Variants in LRRN4 observed in about 807,000 individuals in gnomAD.
LRRN4 encodes the protein leucine rich repeat neuronal 4.
A neutral mutation model predicts 22.3 loss-of-function variants in LRRN4; 26 were observed. The observed-to-expected ratio is 1.16, with a 90% CI of 0.85 to 1.62. LRRN4 has a LOEUF of 1.62. LRRN4 is among the 40% of genes most tolerant of loss of function. The pLI is 0.00. For missense variants in LRRN4, 1,070 were observed against 1,008.5 expected, an observed-to-expected ratio of 1.06 and a Z score of -0.83; for synonymous variants, 496 against 486.2, an observed-to-expected ratio of 1.02 and a Z score of -0.26.
intron 4 of LRRN4, among the ~76,000 whole-genome samples, chr20:6,043,820 G>T (rs1981034832): frequency 6.6e-6 from 1 of 151,882 alleles, no homozygotes; most frequent in Non-Finnish European, 1.5e-5. Context: ...TGAGTAGGAT[G>T]ATCGCTGAGC....
In LRRN4 at chr20:6,045,725, G is replaced by C. The variant is rs538619169; in HGVS notation, c.861-1045C>G. On this transcript the variant is annotated intron_variant, in intron 3 of 4. Coordinates refer to ENST00000378858, the MANE Select transcript of LRRN4 (RefSeq NM_152611.5). Reference sequence around the variant, plus strand: ...TTGCATGATTCTGTGGGTTGGCTCAGTGGTTCTTGTGGTCTGGATTAGCTC... The same window carrying C: ...TTGCATGATTCTGTGGGTTGGCTCACTGGTTCTTGTGGTCTGGATTAGCTC... Among the ~76,000 whole-genome samples, 24 of 149,076 alleles carry C rather than the reference G, an allele frequency of 1.6e-4. No individual in the cohort carries two copies. The South Asian group carries it at 5.1e-3, about 32-fold the overall frequency.
Position 6,042,107 on chromosome 20 carries a change from G to T in LRRN4, c.1138C>A (p.Arg380Ser), listed in dbSNP as rs142910883. Residue 380 changes from arginine (R) to serine (S), a missense_variant, in exon 5 of 5, where the codon CGC becomes AGC. Coordinates refer to ENST00000378858, the MANE Select transcript of LRRN4 (RefSeq NM_152611.5). ...LGASHPPCFN[R>S]STYAQGTTVA... ...GTGGTACCCTGTGCGTAGGTGGAGC[G>T]GTTGAAGCAAGGTGGGTGTGAAGCC... 1.9e-6 allele frequency: 3 copies of T among 1,614,046 alleles called. No individual in the cohort carries two copies. Among genetic ancestry groups the T allele is most frequent in the Non-Finnish European group, 2.5e-6 (3 of 1,180,014 alleles).
Position 6,042,213 on chromosome 20 carries a change from TC to T in LRRN4, c.1031del (p.Gly344AspfsTer74). 1 of 1,613,448 alleles carries T rather than the reference TC, an allele frequency of 6.2e-7. No homozygotes were observed. ...GGGAGGCTGAGAAGGGGCCGCTGGA[TC>T]CCGCAGCTGGCGCGCACATAGTGTC... Reference protein sequence around the residue: ...AADTMCAPAAGSSGPFSASLS... With the variant: ...AADTMCAPAAXSSGPFSASLS... On this transcript the variant is annotated frameshift_variant, in exon 5 of 5. Coordinates refer to ENST00000378858, the MANE Select transcript of LRRN4 (RefSeq NM_152611.5). LOFTEE classifies it low-confidence loss of function (END_TRUNC).
In LRRN4 at chr20:6,052,449, G is replaced by T; in HGVS notation, c.351C>A (p.Gly117=). 1.9e-6 allele frequency: 3 copies of T among 1,553,712 alleles called. No homozygotes were observed. The highest frequency in any genetic ancestry group is 2.6e-6 in the Non-Finnish European group (3 of 1,158,766). Residue 117 remains glycine (G), a synonymous_variant, in exon 2 of 5, where the codon GGC becomes GGA. Transcript: ENST00000378858. The part of the protein sequence containing the change: ...RHNRIAALRW[G]PGGPAGLHTL... Reference sequence around the variant, plus strand: ...TGTGCAGCCCCGCCGGCCCACCCGGGCCCCAGCGCAGCGCGGCGATGCGGT... The same window carrying T: ...TGTGCAGCCCCGCCGGCCCACCCGGTCCCCAGCGCAGCGCGGCGATGCGGT...
At chr20:6,044,815 G>T in intron 3 of LRRN4, 135 bp from the exon 4 acceptor site, 1 of 720,248 alleles carries the variant, frequency 1.4e-6, no homozygotes, top group Non-Finnish European at 2.0e-6. Context: ...ATACCGCTTT[G>T]GGCAAAACTC....
intron 4 of LRRN4, among the ~76,000 whole-genome samples, chr20:6,043,040 A>G (rs1203525644): frequency 6.6e-6 from 1 of 152,098 alleles, no homozygotes; most frequent in African/African-American, 2.4e-5. Context: ...TTTGCAGTAG[A>G]CTCTATTACC....
At chr20:6,052,854 CAAAG>C in intron 1 of LRRN4, 50 bp from the exon 2 acceptor site, 1 of 1,492,784 alleles carries the variant, frequency 6.7e-7, no homozygotes, top group South Asian at 1.3e-5. Flanking sequence ...AACCCCCGCA[CAAAG>C]AGTCAGATGC....
intron 1 of LRRN4, among the ~76,000 whole-genome samples, 197 bp downstream of exon 1, chr20:6,053,633 G>A (rs1255082344): frequency 6.6e-6 from 1 of 152,056 alleles, no homozygotes; most frequent in Admixed American, 6.5e-5. Context: ...CTGGCCATGA[G>A]GTCACTGCTC....
intron 3 of LRRN4, among the ~76,000 whole-genome samples, chr20:6,046,350 A>G (rs2123054333): frequency 6.7e-6 from 1 of 148,456 alleles, no homozygotes; most frequent in African/African-American, 2.4e-5. Flanking sequence ...AGCTGCAGTC[A>G]TGTTGCAAAG....
At chr20:6,043,876 CCAGCCTGCG>C (rs1462571327) in intron 4 of LRRN4, among the ~76,000 whole-genome samples, 1 of 152,096 alleles carries the variant, frequency 6.6e-6, no homozygotes, top group Non-Finnish European at 1.5e-5. Context: ...CCACTGCACT[CCAGCCTGCG>C]CAACAGAGCA....
chr20:6,050,932 C>T lies in LRRN4; in HGVS notation c.707G>A (p.Arg236Lys). Residue 236 changes from arginine (R) to lysine (K), a missense_variant, in exon 3 of 5, where the codon AGG becomes AAG. Coordinates refer to ENST00000378858, the MANE Select transcript of LRRN4 (RefSeq NM_152611.5). ...DLPKLTSLYL[R>K]KMPRLTTLEG... is the part of the protein sequence containing the mutation. The stretch of plus-strand genomic sequence containing the variant: ...CAGGGTCGTCAGCCGAGGCATCTTC[C>T]TCAGGTAGAGGGATGTGAGCTTCGG... 1 of 1,614,152 alleles carries T rather than the reference C, an allele frequency of 6.2e-7. No individual in the cohort carries two copies. The highest frequency in any genetic ancestry group is 8.5e-7 in the Non-Finnish European group (1 of 1,180,026).
In LRRN4 at chr20:6,052,267, G is replaced by A. The variant is rs1178426779; in HGVS notation, c.533C>T (p.Ser178Phe). ...CFPALQLLNL[S>F]CTALGRGAQG... is the part of the protein sequence containing the mutation. ...GGCTCCGCGACCCAGCGCGGTGCAG[G>A]AGAGGTTGAGGAGCTGCAGCGCGGG... The change falls in exon 2 of 5, where the codon TCC becomes TTC. Residue 178 changes from serine to phenylalanine, a missense_variant. Coordinates refer to ENST00000378858, the MANE Select transcript of LRRN4 (RefSeq NM_152611.5). The A allele has an allele frequency of 6.4e-7, 1 of 1,551,290 alleles. No homozygotes were observed.
chr20:6,053,610 C>T (rs1568643990), intron 1 of LRRN4, among the ~76,000 whole-genome samples: 1 of 152,134 alleles, frequency 6.6e-6, no homozygotes, highest in South Asian at 2.1e-4. Flanking sequence ...GCAAAGATAC[C>T]GTTAACCATG....
intron 3 of LRRN4, 36 bp downstream of exon 3, chr20:6,050,743 A>T (rs1271176476): frequency 1.3e-6 from 2 of 1,590,584 alleles, no homozygotes; most frequent in Non-Finnish European, 1.7e-6. Context: ...GGCAAAAATC[A>T]GTCATGTGAT....
chr20:6,046,963 T>G (rs1283903629), intron 3 of LRRN4, among the ~76,000 whole-genome samples: 1 of 152,026 alleles, frequency 6.6e-6, no homozygotes, highest in African/African-American at 2.4e-5. Flanking sequence ...AGGAAGAGGA[T>G]TATATTTTTT....
chr20:6,052,536 G>T lies in LRRN4; in HGVS notation c.264C>A (p.Arg88=), dbSNP rs375287073. 751 of 1,588,192 alleles carry T rather than the reference G, an allele frequency of 4.7e-4. 3 individuals are homozygous for T. In the African/African-American group the frequency reaches 9.3e-3, roughly 20 times the overall value. ...GGCCGAGCTCGGAAGTGCTCAGGGC[G>T]CGCAGCAGGTTGTGGCTGGCGTCGA... is the stretch of plus-strand genomic sequence containing the variant. ...RSLDASHNLL[R]ALSTSELGHL... Residue 88 remains arginine, a synonymous_variant, in exon 2 of 5, where the codon CGC becomes CGA. Transcript: ENST00000378858.
Position 6,042,014 on chromosome 20 carries a change from T to G in LRRN4, c.1231A>C (p.Asn411His). 1 of 1,613,938 alleles carries G rather than the reference T, an allele frequency of 6.2e-7. No homozygotes were observed. The highest frequency in any genetic ancestry group is 8.5e-7 in the Non-Finnish European group (1 of 1,179,952). Residue 411 changes from asparagine (N) to histidine (H), a missense_variant, in exon 5 of 5, where the codon AAC (asparagine) becomes CAC (histidine). Physicochemically the swap from Asn to His is moderately conservative, Grantham distance 68 (BLOSUM62 1). Transcript: ENST00000378858. ...GCAGCTATCGTGCGAGAGCCCACGT[T>G]AGGGGCCTTGGAGACACTCTGCTGG... is the stretch of plus-strand genomic sequence containing the variant. ...GDQQSVSKAP[N>H]VGSRTIAAWP...
At position 6,041,620 on chromosome 20, in the gene LRRN4, T is replaced by C; in HGVS notation, c.1625A>G (p.His542Arg). ...ATGGTAATCACAGGGGACGTCCTGG[T>C]GAGGCGTTCCCACCTCCTCCTTCCT... ...EGRKEEVGTP[H>R]QDVPCDYHPC... The change falls in exon 5 of 5, where the codon CAC (histidine) becomes CGC (arginine). Residue 542 changes from histidine (H) to arginine (R), a missense_variant. Transcript: ENST00000378858. The surrounding 1 kb of genome is among the most constrained non-coding windows in gnomAD (Gnocchi z 9.4). 6.3e-7 allele frequency: 1 copy of C among 1,588,258 alleles called. No homozygotes were observed. Among genetic ancestry groups the C allele is most frequent in the East Asian group, 2.2e-5 (1 of 44,598 alleles).
rs1421138158 is a variant in LRRN4, at chr20:6,052,506, C to A, written c.294G>T (p.Leu98=). 1 of 1,582,470 alleles carries A rather than the reference C, an allele frequency of 6.3e-7. No homozygotes were observed. The highest frequency in any genetic ancestry group is 1.1e-5 in the South Asian group (1 of 88,180). The stretch of plus-strand genomic sequence containing the variant: ...GCAGGGTCAGCACCTGCAGCTGCTC[C>A]AGGTGGCCGAGCTCGGAAGTGCTCA... ...RALSTSELGH[L]EQLQVLTLRH... The change falls in exon 2 of 5, where the codon CTG becomes CTT. Residue 98 remains leucine, a synonymous_variant. Coordinates refer to ENST00000378858, the MANE Select transcript of LRRN4 (RefSeq NM_152611.5).
Sources: allele counts gnomAD v4.1 joint callset (sites outside exome capture counted in the v4.1 genomes callset), GRCh38; gene constraint gnomAD v4.1.1; non-coding constraint Gnocchi (gnomAD v3.1); transcripts MANE v1.5; gene names NCBI Gene and HGNC (gene_info 2026-07-23, HGNC 2026-07-21).